Variants in WWTR1 observed in about 807,000 individuals in gnomAD.
WWTR1 encodes WW domain-containing transcription regulator protein 1.
In WWTR1, 13 loss-of-function variants were observed where a neutral mutation model predicts 40.1. The observed-to-expected ratio is 0.32, with a 90% CI of 0.21 to 0.52. WWTR1 has a LOEUF of 0.52. Ranked by LOEUF, WWTR1 falls within the 20% of genes least tolerant of loss-of-function variation. WWTR1 has a pLI of 0.97. For synonymous variants in WWTR1, 230 were observed against 210.1 expected, an observed-to-expected ratio of 1.09 and a Z score of -0.82; for missense variants, 436 against 523.1, an observed-to-expected ratio of 0.83 and a Z score of 1.63.
Position 149,551,854 on chromosome 3 carries a change from A to G in WWTR1, c.569-9317T>C, listed in dbSNP as rs1274630290. On this transcript the variant is annotated intron_variant, in intron 3 of 6. Transcript: ENST00000360632. ...TGACCTTTCATTATTCAGAACTGTC[A>G]GGCTATCCAGATTAGCTGTCAGTGT... 1.4e-5 allele frequency among the ~76,000 whole-genome samples: 2 copies of G among 145,956 alleles called. 1 individual carries two copies. Among genetic ancestry groups the G allele is most frequent in the Non-Finnish European group, 3.0e-5 (2 of 66,406 alleles).
intron 2 of WWTR1, among the ~76,000 whole-genome samples, chr3:149,606,709 G>A (rs1739504500): frequency 6.6e-6 from 1 of 152,110 alleles, no homozygotes; most frequent in Non-Finnish European, 1.5e-5. Context: ...AACAATTACA[G>A]TTGCTCAGAA....
chr3:149,679,681 TA>T (rs1370909442), intron 1 of WWTR1, among the ~76,000 whole-genome samples: 1 of 148,340 alleles, frequency 6.7e-6, no homozygotes, highest in Non-Finnish European at 1.5e-5. Flanking sequence ...CACAGAAAGG[TA>T]AAACCAGGCC....
At position 149,520,910 on chromosome 3, in the gene WWTR1, T is replaced by C. The variant is rs1735012371; in HGVS notation, c.1098A>G (p.Gly366=). 2 of 1,613,564 alleles carry C rather than the reference T, an allele frequency of 1.2e-6. No individual in the cohort carries two copies. The highest frequency in any genetic ancestry group is 1.7e-6 in the Non-Finnish European group (2 of 1,179,852). ...RFPDFLDCLP[G]TNVDLGTLES... ...CCAAAGTTCCTAAGTCAACGTTTGT[T>C]CCTGGAAGACAGTCAAGGAAATCAG... Residue 366 remains glycine, a synonymous_variant, in exon 7 of 7, where the codon GGA becomes GGG. Coordinates refer to ENST00000360632, the MANE Select transcript of WWTR1 (RefSeq NM_015472.6).
chr3:149,683,402 A>C (rs1285539234), intron 1 of WWTR1, among the ~76,000 whole-genome samples: 1 of 152,190 alleles, frequency 6.6e-6, no homozygotes, highest in Non-Finnish European at 1.5e-5. Context: ...TGCCTCACTT[A>C]GGATATTTAG....
intron 2 of WWTR1, among the ~76,000 whole-genome samples, chr3:149,584,700 G>A (rs1738329526): frequency 6.6e-6 from 1 of 152,052 alleles, no homozygotes; most frequent in African/African-American, 2.4e-5. Flanking sequence ...GTATTTCTTG[G>A]CATCTTCAGT....
intron 4 of WWTR1, among the ~76,000 whole-genome samples, chr3:149,536,288 A>C (rs568272300): frequency 1.3e-5 from 2 of 152,212 alleles, no homozygotes; most frequent in Non-Finnish European, 2.9e-5. Flanking sequence ...TTCACAAAAT[A>C]TTAGACTACG....
intron 2 of WWTR1, among the ~76,000 whole-genome samples, chr3:149,607,236 A>G (rs1739529279): frequency 6.6e-6 from 1 of 152,222 alleles, no homozygotes; most frequent in East Asian, 1.9e-4. Flanking sequence ...AGAAATGTGT[A>G]ACATAAATAT....
chr3:149,682,235 C>A (rs1189750418), intron 1 of WWTR1, among the ~76,000 whole-genome samples: 1 of 152,118 alleles, frequency 6.6e-6, no homozygotes, highest in Non-Finnish European at 1.5e-5. Context: ...AGACTTCAGT[C>A]TGGCTTTGTA....
chr3:149,536,029 GA>G (rs1017111125), intron 4 of WWTR1, among the ~76,000 whole-genome samples: 1 of 149,664 alleles, frequency 6.7e-6, no homozygotes, highest in East Asian at 1.9e-4. Context: ...AGAAGAAAAA[GA>G]AAAAAAAAGA....
At chr3:149,521,880 T>C (rs1265383325) in intron 6 of WWTR1, among the ~76,000 whole-genome samples, 1 of 152,224 alleles carries the variant, frequency 6.6e-6, no homozygotes, top group Non-Finnish European at 1.5e-5. Context: ...ATCTAGAAAT[T>C]GGGATCATAT....
At chr3:149,614,016 T>TTC (rs1739855697) in intron 2 of WWTR1, among the ~76,000 whole-genome samples, 1 of 152,250 alleles carries the variant, frequency 6.6e-6, no homozygotes, top group South Asian at 2.1e-4. Flanking sequence ...TATCCATTAC[T>TTC]AACACTTCAG....
chr3:149,602,006 A>G (rs1039156053), intron 2 of WWTR1, among the ~76,000 whole-genome samples: 3 of 152,184 alleles, frequency 2.0e-5, no homozygotes, highest in African/African-American at 7.2e-5. Flanking sequence ...TCTTATTTCT[A>G]TCAGATTTTA....
At chr3:149,570,101 C>G (rs1481194437) in intron 3 of WWTR1, among the ~76,000 whole-genome samples, 1 of 152,226 alleles carries the variant, frequency 6.6e-6, no homozygotes, top group Admixed American at 6.5e-5. Flanking sequence ...TTGAGACTCT[C>G]TAAATTAAGT....
At chr3:149,721,506 A>C (rs558527655) in intron 4 of WWTR1, among the ~76,000 whole-genome samples, 24 of 152,254 alleles carry the variant, frequency 1.6e-4, no homozygotes, top group African/African-American at 5.3e-4. Context: ...TAGTTTACTC[A>C]TATTTTGTTC....
Position 149,518,561 on chromosome 3 carries a change from C to T in WWTR1, c.*2244G>A, listed in dbSNP as rs935837601. 6.6e-6 allele frequency: 1 copy of T among 152,008 alleles called. No individual in the cohort carries two copies. Among genetic ancestry groups the T allele is most frequent in the African/African-American group, 2.4e-5 (1 of 41,386 alleles). The allele number at this position is 152,008 out of a possible 1,614,324, so 9.4% of individuals were successfully genotyped here. ...CCCTTCAATTTAGTAGCAATAAAAT[C>T]ATCTATCTTCATCTCTCTCAGAGGG... is the stretch of plus-strand genomic sequence containing the variant. On this transcript the variant is annotated 3_prime_UTR_variant, in exon 7 of 7. Transcript: ENST00000360632.
intron 3 of WWTR1, among the ~76,000 whole-genome samples, chr3:149,545,265 C>T (rs1257343598): frequency 6.6e-6 from 1 of 152,104 alleles, no homozygotes; most frequent in Non-Finnish European, 1.5e-5. Context: ...AAAATCCAGA[C>T]ATCCAGAAGG....
At chr3:149,622,502 GAAGAAAGA>G (rs60148340) in intron 2 of WWTR1, among the ~76,000 whole-genome samples, 579 of 46,326 alleles carry the variant, frequency 0.012, 9 homozygotes, top group African/African-American at 0.043. Context: ...AGGAAGGAAG[GAAGAAAGA>G]AAGAAAGAAA....
chr3:149,657,669 C>T (rs573268121), intron 1 of WWTR1, 96 bp downstream of exon 1: 37 of 201,532 alleles, frequency 1.8e-4, no homozygotes, highest in Non-Finnish European at 3.3e-4. Flanking sequence ...GAAGTTCAGC[C>T]CGAGCCAACT....
intron 2 of WWTR1, among the ~76,000 whole-genome samples, chr3:149,622,502 G>GAAGGAAGGAAGAAAGAAAGAAAAGA: frequency 2.2e-5 from 1 of 46,328 alleles, no homozygotes; most frequent in African/African-American, 8.0e-5. Context: ...AGGAAGGAAG[G>GAAGGAAGGAAGAAAGAAAGAAAAGA]AAGAAAGAAA....
Sources: gnomAD v4.1 joint callset for allele counts (sites outside exome capture counted in the v4.1 genomes callset) on GRCh38, gnomAD v4.1.1 for gene constraint, MANE v1.5 for transcripts, NCBI Gene and HGNC (gene_info 2026-07-23, HGNC 2026-07-21) for gene names.